Variants in DCDC1 observed in about 807,000 individuals in gnomAD.
DCDC1 encodes the protein doublecortin domain-containing protein 1.
DCDC1 carries 200 observed loss-of-function variants against 178.3 expected under a neutral mutation model. The observed-to-expected ratio is 1.12, with a 90% CI of 1.00 to 1.26. The LOEUF is 1.26. Among genes scored for constraint, DCDC1 ranks in the 50% most tolerant of loss-of-function variants. DCDC1 has a pLI of 0.00. For synonymous variants in DCDC1, 690 were observed against 604.8 expected, an observed-to-expected ratio of 1.14 and a Z score of -2.07; for missense variants, 1,983 against 1,749.2, an observed-to-expected ratio of 1.13 and a Z score of -2.38.
At chr11:31,359,047 C>T (rs1951555694) in intron 1 of DCDC1, among the ~76,000 whole-genome samples, 1 of 152,094 alleles carries the variant, frequency 6.6e-6, no homozygotes, top group South Asian at 2.1e-4. Context: ...GGATCTGGAA[C>T]TAGAAATACC....
intron 10 of DCDC1, among the ~76,000 whole-genome samples, chr11:31,134,996 T>C (rs1962946116): frequency 6.6e-6 from 1 of 152,108 alleles, no homozygotes; most frequent in Non-Finnish European, 1.5e-5. Context: ...AGCCTATCTC[T>C]AAAATAAAAA....
At chr11:31,047,370 A>G (rs1954913381) in intron 20 of DCDC1, among the ~76,000 whole-genome samples, 1 of 152,230 alleles carries the variant, frequency 6.6e-6, no homozygotes, top group African/African-American at 2.4e-5. Context: ...AGTTTTGTAA[A>G]TGTAACTACA....
chr11:30,975,374 A>C (rs1950045705), intron 20 of DCDC1, among the ~76,000 whole-genome samples: 1 of 152,098 alleles, frequency 6.6e-6, no homozygotes, highest in Admixed American at 6.6e-5. Flanking sequence ...TAGCCAGAGC[A>C]ATCAGGCAAA....
At chr11:30,992,817 A>G (rs1951065123) in intron 20 of DCDC1, 1 of 152,186 alleles carries the variant, frequency 6.6e-6, no homozygotes, top group Non-Finnish European at 1.5e-5. Context: ...CTGACTGTCA[A>G]TATTAGTCTT....
intron 11 of DCDC1, among the ~76,000 whole-genome samples, chr11:31,121,923 G>A (rs192849425): frequency 1.6e-4 from 24 of 152,198 alleles, no homozygotes; most frequent in South Asian, 4.1e-4. Context: ...GTTATAAATG[G>A]AAAATATATT....
At chr11:31,231,360 C>G (rs1591488055) in intron 9 of DCDC1, among the ~76,000 whole-genome samples, 1 of 152,110 alleles carries the variant, frequency 6.6e-6, no homozygotes, top group African/African-American at 2.4e-5. Context: ...GTTTATGACA[C>G]TAATATTTTC....
intron 20 of DCDC1, among the ~76,000 whole-genome samples, chr11:31,026,737 T>G (rs765254901): frequency 1.1e-4 from 17 of 151,874 alleles, no homozygotes; most frequent in Non-Finnish European, 2.1e-4. Flanking sequence ...TGGAATATTT[T>G]GAATGTTAAA....
intron 11 of DCDC1, among the ~76,000 whole-genome samples, chr11:31,125,010 A>G (rs208070): frequency 0.56 from 85,711 of 151,940 alleles, 25,093 homozygotes; most frequent in East Asian, 0.93. Flanking sequence ...GAATAGGAGA[A>G]AATTTTTGCA....
rs147238910 is a variant in DCDC1 at position 31,305,631 on chromosome 11, T to C, written c.738A>G (p.Pro246=). Residue 246 remains proline, a synonymous_variant, in exon 6 of 39, where the codon CCA becomes CCG. Coordinates refer to ENST00000684477, the MANE Select transcript of DCDC1 (RefSeq NM_001387274.1). ...YVSTGEPFLN[P]FKKIKDHLLL... ...CTTTTTTACCTTTAATTTTTTTGAA[T>C]GGATTTAAAAAGGGCTCTCCCGTTG... is the stretch of plus-strand genomic sequence containing the variant. The C allele has an allele frequency of 6.8e-6, 11 of 1,613,398 alleles. No homozygotes were observed. In the African/African-American group the frequency reaches 1.3e-4, roughly 20 times the overall value.
chr11:30,877,118 G>A (rs890436809), intron 38 of DCDC1, among the ~76,000 whole-genome samples: 5 of 152,128 alleles, frequency 3.3e-5, no homozygotes, highest in Non-Finnish European at 7.4e-5. Flanking sequence ...GCTTTTAGTG[G>A]TGTCAGAGGC....
chr11:30,904,769 TA>T, intron 31 of DCDC1, 191 bp downstream of exon 31: 1 of 655,310 alleles, frequency 1.5e-6, no homozygotes, highest in Non-Finnish European at 2.6e-6. Context: ...CTAGTTTTTC[TA>T]AGTCTGTATC....
chr11:31,358,386 T>G (rs1296983281), intron 1 of DCDC1, among the ~76,000 whole-genome samples: 14 of 152,056 alleles, frequency 9.2e-5, no homozygotes, highest in Non-Finnish European at 4.4e-5. Context: ...GCTAGCCATA[T>G]GTAGAAAGCT....
intron 9 of DCDC1, among the ~76,000 whole-genome samples, chr11:31,191,799 A>G (rs905876390): frequency 6.6e-6 from 1 of 152,006 alleles, no homozygotes; most frequent in Non-Finnish European, 1.5e-5. Context: ...AATTCACCAT[A>G]TTCATTTCCA....
chr11:31,322,924 T>C (rs1282696811), intron 3 of DCDC1, among the ~76,000 whole-genome samples: 1 of 152,250 alleles, frequency 6.6e-6, no homozygotes, highest in Non-Finnish European at 1.5e-5. Context: ...AATGGACATG[T>C]AGTATAATGT....
At chr11:30,934,507 G>A (rs1348827700) in intron 21 of DCDC1, among the ~76,000 whole-genome samples, 5 of 152,174 alleles carry the variant, frequency 3.3e-5, no homozygotes, top group Non-Finnish European at 1.5e-5. Context: ...CAAGTTGGGA[G>A]TTCTCCCACA....
At chr11:30,931,686 C>T (rs1261955978) in intron 22 of DCDC1, 85 bp downstream of exon 22, 2 of 1,351,970 alleles carry the variant, frequency 1.5e-6, no homozygotes, top group Admixed American at 2.9e-5. Flanking sequence ...TACAGAATTC[C>T]CACAGAAAAA....
chr11:31,041,825 T>C (rs1954476524), intron 20 of DCDC1, among the ~76,000 whole-genome samples: 2 of 152,160 alleles, frequency 1.3e-5, no homozygotes. Context: ...TAGATGACCT[T>C]TATGGAGAAA....
chr11:31,082,236 C>T (rs1056273173), intron 17 of DCDC1, among the ~76,000 whole-genome samples: 5 of 152,084 alleles, frequency 3.3e-5, no homozygotes, highest in East Asian at 1.9e-4. Context: ...CTGCATCTAA[C>T]GTTAACTAGA....
intron 9 of DCDC1, among the ~76,000 whole-genome samples, chr11:31,193,590 C>T (rs1192300964): frequency 6.6e-6 from 1 of 152,018 alleles, no homozygotes; most frequent in Non-Finnish European, 1.5e-5. Flanking sequence ...AAAGCAAGTG[C>T]CCAATAAACA....
Sources: allele counts gnomAD v4.1 joint callset (sites outside exome capture counted in the v4.1 genomes callset), GRCh38; gene constraint gnomAD v4.1.1; transcripts MANE v1.5; gene names NCBI Gene and HGNC (gene_info 2026-07-23, HGNC 2026-07-21).